Variants in DHCR7 observed in about 807,000 individuals in gnomAD.
DHCR7 encodes 7-dehydrocholesterol reductase.
A neutral mutation model predicts 43.3 loss-of-function variants in DHCR7; 40 were observed. The observed-to-expected ratio is 0.92, with a 90% CI of 0.72 to 1.20. The LOEUF is 1.20. DHCR7 is among the 50% of genes most tolerant of loss of function. The probability of loss-of-function intolerance (pLI) is 0.00; values close to 1 mark genes in which losing one functional copy is unlikely to be tolerated. For missense variants in DHCR7, 608 were observed against 644.6 expected, an observed-to-expected ratio of 0.94 and a Z score of 0.62; for synonymous variants, 298 against 271.4, an observed-to-expected ratio of 1.10 and a Z score of -0.96.
intron 3 of DHCR7, 121 bp downstream of exon 3, chr11:71,444,734 A>C: frequency 2.2e-5 from 18 of 802,326 alleles, no homozygotes; most frequent in South Asian, 1.3e-4. Flanking sequence ...AGTCTTGACA[A>C]AAAAAAAAAA....
chr11:71,441,838 C>T (rs1321755748), intron 5 of DHCR7, among the ~76,000 whole-genome samples: 1 of 152,168 alleles, frequency 6.6e-6, no homozygotes, highest in African/African-American at 2.4e-5. Flanking sequence ...CTTCTGGGGG[C>T]AGAGTTGGGA....
chr11:71,435,601 C>T lies in DHCR7; in HGVS notation c.1202G>A (p.Gly401Asp). The T allele has an allele frequency of 6.2e-7, 1 of 1,608,562 alleles. No individual in the cohort carries two copies. Among genetic ancestry groups the T allele is most frequent in the Non-Finnish European group, 8.5e-7 (1 of 1,179,588 alleles). ...GACGTAGTTGAAGTGGCGGGCCACG[C>T]CCCAGAAGCCCGACACCAGCAGCTT... ...HSKLLVSGFW[G>D]VARHFNYVGD... Residue 401 changes from glycine to aspartate, a missense_variant, in exon 9 of 9, where the codon GGC becomes GAC. Physicochemically the swap from Gly to Asp is moderately conservative, Grantham distance 94. Coordinates refer to ENST00000355527, the MANE Select transcript of DHCR7 (RefSeq NM_001360.3).
At chr11:71,428,842 G>C (rs749537137) in exon 3 of DHCR7, 19 of 456,312 alleles carry the variant, frequency 4.2e-5, no homozygotes, top group South Asian at 2.9e-4. Flanking sequence ...CTCCACAGCA[G>C]CATTTCTCAT....
chr11:71,429,941 T>G (rs957675704), downstream of DHCR7, among the ~76,000 whole-genome samples: 1 of 152,166 alleles, frequency 6.6e-6, no homozygotes, highest in Admixed American at 6.5e-5. Flanking sequence ...ATTTGAGGCA[T>G]TGAGTTTCCA....
At chr11:71,431,027 T>C (rs898936460), downstream of DHCR7, among the ~76,000 whole-genome samples, 10 of 152,132 alleles carry the variant, frequency 6.6e-5, no homozygotes, top group Non-Finnish European at 1.5e-4. Context: ...TGGTGGTGCA[T>C]GCCTGTAATC....
In DHCR7 at chr11:71,437,892, T is replaced by A; in HGVS notation, c.883A>T (p.Ile295Phe). The stretch of plus-strand genomic sequence containing the variant: ...CCGAAGTGGTCATGGCAGATGTCAA[T>A]GGTCTTCAGGTACCAGGTTTCGTTC... ...FWNETWYLKT[I>F]DICHDHFGWY... The change falls in exon 8 of 9, where the codon ATT (isoleucine) becomes TTT (phenylalanine). Residue 295 changes from isoleucine to phenylalanine, a missense_variant. Coordinates refer to ENST00000355527, the MANE Select transcript of DHCR7 (RefSeq NM_001360.3). 1 of 1,613,976 alleles carries A rather than the reference T, an allele frequency of 6.2e-7. No homozygotes were observed.
At chr11:71,442,177 G>C (rs1410500710) in intron 5 of DHCR7, 86 bp downstream of exon 5, 2 of 1,034,870 alleles carry the variant, frequency 1.9e-6, no homozygotes, top group African/African-American at 3.1e-5. Context: ...ACAAGTCTTA[G>C]GGACAAAGCA....
At chr11:71,437,006 G>T (rs1005500293) in intron 8 of DHCR7, among the ~76,000 whole-genome samples, 1 of 152,172 alleles carries the variant, frequency 6.6e-6, no homozygotes, top group Non-Finnish European at 1.5e-5. Context: ...GAGAAATGGG[G>T]CCGGGTGGGC....
Position 71,435,323 on chromosome 11 carries a change from T to A in DHCR7, c.*52A>T. The A allele has an allele frequency of 6.3e-7, 1 of 1,589,990 alleles. No homozygotes were observed. The highest frequency in any genetic ancestry group is 8.6e-7 in the Non-Finnish European group (1 of 1,165,706). ...GCTGGGATGCCAGCCCCCATGGACC[T>A]GGCAGAACACGCTCTTGACAGCCCC... On this transcript the variant is annotated 3_prime_UTR_variant, in exon 9 of 9. Coordinates refer to ENST00000355527, the MANE Select transcript of DHCR7 (RefSeq NM_001360.3).
In DHCR7 at chr11:71,435,183, G is replaced by A. The variant is rs115338563; in HGVS notation, c.*192C>T. On this transcript the variant is annotated 3_prime_UTR_variant, in exon 9 of 9. Transcript: ENST00000355527. ...GGCAATACGGCAGTGCTGGACACTC[G>A]GAATTCCCTTGAAGGCAAAAGCAAG... 1,987 of 717,192 alleles carry A rather than the reference G, an allele frequency of 2.8e-3. 28 individuals carry two copies. The African/African-American group carries it at 0.03, about 11-fold the overall frequency. 44.4% of individuals were successfully genotyped at this position (717,192 alleles called of 1,614,324 possible). A position where few individuals can be genotyped will look rare whatever the true frequency, so the allele number is the denominator to read the frequency against.
downstream of DHCR7, among the ~76,000 whole-genome samples, chr11:71,432,972 G>C (rs1335720813): frequency 6.6e-6 from 1 of 152,250 alleles, no homozygotes; most frequent in South Asian, 2.1e-4. Flanking sequence ...GAAGGTTGAG[G>C]TTGGAGAGGG....
chr11:71,443,252 T>C (rs564183405), intron 4 of DHCR7, among the ~76,000 whole-genome samples: 44 of 152,294 alleles, frequency 2.9e-4, no homozygotes, highest in Middle Eastern at 6.8e-3. Context: ...ACACTGCCCC[T>C]GTCATTTTTC....
At position 71,444,120 on chromosome 11, in the gene DHCR7, C is replaced by T; in HGVS notation, c.194G>A (p.Ser65Asn). The T allele has an allele frequency of 6.2e-7, 1 of 1,611,974 alleles. No individual in the cohort carries two copies. The highest frequency in any genetic ancestry group is 2.2e-5 in the East Asian group (1 of 44,812). ...CACCACAGGGCCAGTCAGGGCGCAG[C>T]TGTACTGGTCACAAGCCATGATGAA... is the stretch of plus-strand genomic sequence containing the variant. ...YYFIMACDQY[S>N]CALTGPVVDI... is the part of the protein sequence containing the mutation. The change falls in exon 4 of 9, where the codon AGC becomes AAC. Residue 65 changes from serine (S) to asparagine (N), a missense_variant. Coordinates refer to ENST00000355527, the MANE Select transcript of DHCR7 (RefSeq NM_001360.3).
At chr11:71,448,622 G>A (rs1055795339), upstream of DHCR7, 3 of 152,274 alleles carry the variant, frequency 2.0e-5, no homozygotes, top group African/African-American at 7.2e-5. Context: ...GCAGCCTCTG[G>A]CGCTTCTTCG....
chr11:71,441,304 GCAC>G lies in DHCR7; in HGVS notation c.546_548del (p.Trp182del). 3 of 1,614,226 alleles carry G rather than the reference GCAC, an allele frequency of 1.9e-6. No homozygotes were observed. The highest frequency in any genetic ancestry group is 2.5e-6 in the Non-Finnish European group (3 of 1,180,050). Reference sequence around the variant, plus strand: ...AGACGGCATAGCCAAGGATGTTGGCGCACCACAGCAGTGGGATCCAGTTGTCGA... The same window carrying G: ...AGACGGCATAGCCAAGGATGTTGGCGCACAGCAGTGGGATCCAGTTGTCGA... On this transcript the variant is annotated inframe_deletion, in exon 6 of 9. Transcript: ENST00000355527.
rs989448670 is a variant in DHCR7 at position 71,448,393 on chromosome 11, C to T, written c.-235G>A. On this transcript the variant is annotated 5_prime_UTR_variant, in exon 1 of 9. Transcript: ENST00000355527. ...TCTAGCCAGGGGTCGGAGTCACCCGCAGGGCAGGGGCGCCCGCCCCCGGAT... is the reference window on the plus strand; with the variant it reads ...TCTAGCCAGGGGTCGGAGTCACCCGTAGGGCAGGGGCGCCCGCCCCCGGAT... 6.6e-6 allele frequency: 1 copy of T among 152,428 alleles called. No individual in the cohort carries two copies. Among genetic ancestry groups the T allele is most frequent in the African/African-American group, 2.4e-5 (1 of 41,474 alleles). The allele number at this position is 152,428 out of a possible 1,614,324, so 9.4% of individuals were successfully genotyped here.
chr11:71,436,493 T>C (rs1376317057), intron 8 of DHCR7, among the ~76,000 whole-genome samples: 1 of 152,236 alleles, frequency 6.6e-6, no homozygotes, highest in South Asian at 2.1e-4. Context: ...TGAAACCCCA[T>C]CTCTACTAAA....
intron 4 of DHCR7, 52 bp from the exon 5 acceptor site, chr11:71,442,405 G>C (rs2135945696): frequency 1.5e-6 from 2 of 1,295,330 alleles, no homozygotes. Context: ...CACCTGCAAA[G>C]GGGGACGCAT....
chr11:71,439,049 T>A lies in DHCR7; in HGVS notation c.661A>T (p.Met221Leu). ...ATCCGAGGGTTAAACTCGATGCCCA[T>A]CATGTAGTTGTAAAAGAAATTGCCT... ...FTGNFFYNYM[M>L]GIEFNPRIGK... is the part of the protein sequence containing the mutation. Residue 221 changes from methionine to leucine, a missense_variant, in exon 7 of 9, where the codon ATG (methionine) becomes TTG (leucine). By Grantham distance (15) the Met-to-Leu change is conservative. Transcript: ENST00000355527. 1 of 1,614,072 alleles carries A rather than the reference T, an allele frequency of 6.2e-7. No homozygotes were observed. The highest frequency in any genetic ancestry group is 8.5e-7 in the Non-Finnish European group (1 of 1,180,028).
Sources: gnomAD v4.1 joint callset for allele counts (sites outside exome capture counted in the v4.1 genomes callset) on GRCh38, gnomAD v4.1.1 for gene constraint, MANE v1.5 for transcripts, NCBI Gene and HGNC (gene_info 2026-07-23, HGNC 2026-07-21) for gene names.